Variants in NAALADL2 observed in about 807,000 individuals in gnomAD.
NAALADL2 encodes N-acetylated alpha-linked acidic dipeptidase like 2.
NAALADL2 carries 76 observed loss-of-function variants against 87.2 expected under a neutral mutation model. That is an observed-to-expected ratio of 0.87 (90% CI 0.72 to 1.05). The LOEUF is 1.05. Among genes scored for constraint, NAALADL2 ranks in the 50% least tolerant of loss-of-function variants. The probability of loss-of-function intolerance (pLI) is 0.00; values close to 1 mark genes in which losing one functional copy is unlikely to be tolerated. For missense variants in NAALADL2, 1,089 were observed against 945.8 expected (o/e 1.15, Z -1.99); for synonymous variants, 354 against 331.0 (o/e 1.07, Z -0.75).
chr3:174,769,984 TA>T (rs34826759), intron 3 of NAALADL2, among the ~76,000 whole-genome samples: 43,262 of 151,856 alleles, frequency 0.28, 6,268 homozygotes, highest in Middle Eastern at 0.34. Context: ...ATACAATATA[TA>T]ATATTAGATG....
intron 2 of NAALADL2, among the ~76,000 whole-genome samples, chr3:175,119,726 TAAG>T (rs1270248438): frequency 6.8e-6 from 1 of 147,208 alleles, no homozygotes; most frequent in Non-Finnish European, 1.5e-5. Context: ...TAATGTAAAA[TAAG>T]AATAGATATA....
intron 9 of NAALADL2, among the ~76,000 whole-genome samples, chr3:175,522,010 A>C (rs1015975835): frequency 6.6e-6 from 1 of 152,128 alleles, no homozygotes; most frequent in African/African-American, 2.4e-5. Flanking sequence ...TAAGAAACCA[A>C]GTCATTATTT....
At chr3:175,525,607 G>A (rs147307453) in intron 9 of NAALADL2, among the ~76,000 whole-genome samples, 3 of 151,826 alleles carry the variant, frequency 2.0e-5, no homozygotes, top group African/African-American at 7.2e-5. Flanking sequence ...AGATGCATTT[G>A]AGGAAAACAG....
At position 175,601,128 on chromosome 3, in the gene NAALADL2, C is replaced by T. The variant is rs552933751; in HGVS notation, c.1800+24941C>T. Among the ~76,000 whole-genome samples, 5 of 151,954 alleles carry T rather than the reference C, an allele frequency of 3.3e-5. No homozygotes were observed. In the East Asian group the frequency reaches 5.8e-4, roughly 18 times the overall value. ...TGAAAGATAGCATTTTTATTTATGCCTAAAATGACTTCTAATTATTTAAAT... is the reference window on the plus strand; with the variant it reads ...TGAAAGATAGCATTTTTATTTATGCTTAAAATGACTTCTAATTATTTAAAT... On this transcript the variant is annotated intron_variant, in intron 10 of 13. Transcript: ENST00000454872.
intron 1 of NAALADL2, among the ~76,000 whole-genome samples, chr3:174,945,779 G>A (rs960322051): frequency 1.3e-5 from 2 of 152,158 alleles, no homozygotes; most frequent in African/African-American, 2.4e-5. Flanking sequence ...TGGGCAAGGT[G>A]GCTCACGCCT....
chr3:175,018,493 C>A (rs761122699), intron 1 of NAALADL2, among the ~76,000 whole-genome samples: 2 of 151,982 alleles, frequency 1.3e-5, no homozygotes, highest in Admixed American at 6.6e-5. Flanking sequence ...TGTTTTCAGA[C>A]ATAGTAAATA....
intron 10 of NAALADL2, among the ~76,000 whole-genome samples, chr3:175,595,382 C>T (rs1405063011): frequency 1.3e-5 from 2 of 151,876 alleles, no homozygotes; most frequent in Non-Finnish European, 2.9e-5. Context: ...TAGTACCTTG[C>T]TTTTTTGATT....
In NAALADL2 at chr3:174,960,009, G is replaced by T. The variant is rs559795291; in HGVS notation, c.43+100559G>T. Among the ~76,000 whole-genome samples the T allele has an allele frequency of 2.0e-5, 3 of 152,126 alleles. No homozygotes were observed. The South Asian group carries it at 6.2e-4, about 31-fold the overall frequency. On this transcript the variant is annotated intron_variant, in intron 1 of 13. Coordinates refer to ENST00000454872, the MANE Select transcript of NAALADL2 (RefSeq NM_207015.3). ...CTGGCCAGCTGGCAATAGACTTTAG[G>T]TCTGCAGATATGATGATGGGAGTCT...
chr3:174,471,847 T>G (rs980865819), intron 1 of NAALADL2, among the ~76,000 whole-genome samples: 9 of 152,166 alleles, frequency 5.9e-5, no homozygotes, highest in African/African-American at 1.7e-4. Context: ...TGTCAATAAC[T>G]TTGGGTGTCC....
intron 3 of NAALADL2, among the ~76,000 whole-genome samples, chr3:174,839,415 C>G (rs778101107): frequency 1.3e-5 from 2 of 152,050 alleles, no homozygotes; most frequent in African/African-American, 2.4e-5. Context: ...TGGAAAAACC[C>G]TTCTAGAGAT....
At chr3:175,269,498 T>C (rs1752476456) in intron 4 of NAALADL2, among the ~76,000 whole-genome samples, 1 of 152,222 alleles carries the variant, frequency 6.6e-6, no homozygotes, top group African/African-American at 2.4e-5. Context: ...AGCTCCGTTA[T>C]AATCTTACGT....
intron 5 of NAALADL2, among the ~76,000 whole-genome samples, chr3:175,386,507 T>TC (rs1393845672): frequency 6.6e-6 from 1 of 151,534 alleles, no homozygotes; most frequent in African/African-American, 2.4e-5. Context: ...TTTTTTTTTT[T>TC]CCCCTCTCCC....
chr3:175,711,241 A>G (rs1322137376), intron 11 of NAALADL2, among the ~76,000 whole-genome samples: 1 of 151,892 alleles, frequency 6.6e-6, no homozygotes, highest in African/African-American at 2.4e-5. Context: ...TCTTTGAATA[A>G]TAAGCATCTA....
chr3:174,561,883 A>G (rs1713660179), intron 2 of NAALADL2, among the ~76,000 whole-genome samples: 1 of 152,214 alleles, frequency 6.6e-6, no homozygotes, highest in African/African-American at 2.4e-5. Context: ...AGTTGGACTT[A>G]AAGTATAGCT....
intron 5 of NAALADL2, among the ~76,000 whole-genome samples, chr3:175,443,364 A>G (rs1327276782): frequency 1.3e-5 from 2 of 152,204 alleles, no homozygotes; most frequent in Admixed American, 6.5e-5. Flanking sequence ...CTAGAGAAAA[A>G]TGGAATGCAG....
chr3:175,657,644 G>C (rs375564131), intron 11 of NAALADL2, among the ~76,000 whole-genome samples: 1 of 150,748 alleles, frequency 6.6e-6, no homozygotes, highest in East Asian at 2.0e-4. Flanking sequence ...GCAGTGGCAC[G>C]ATCTGGGCTC....
intron 4 of NAALADL2, among the ~76,000 whole-genome samples, chr3:175,262,237 A>G (rs1751158004): frequency 6.6e-6 from 1 of 152,062 alleles, no homozygotes; most frequent in Non-Finnish European, 1.5e-5. Flanking sequence ...TTACATTTTG[A>G]TAACTTATTT....
chr3:175,423,018 G>GAAA (rs1218647180), intron 5 of NAALADL2, among the ~76,000 whole-genome samples: 2,687 of 61,484 alleles, frequency 0.044, 99 homozygotes, highest in East Asian at 0.12. Context: ...AGGTCCTTAA[G>GAAA]AAAAAAAAAA....
intron 1 of NAALADL2, among the ~76,000 whole-genome samples, chr3:174,991,552 A>G (rs545217916): frequency 6.6e-6 from 1 of 152,158 alleles, no homozygotes; most frequent in Non-Finnish European, 1.5e-5. Context: ...TGTGTCCTGC[A>G]TCTTATTCTG....
Sources: allele counts gnomAD v4.1 joint callset (sites outside exome capture counted in the v4.1 genomes callset), GRCh38; gene constraint gnomAD v4.1.1; transcripts MANE v1.5; gene names NCBI Gene and HGNC (gene_info 2026-07-23, HGNC 2026-07-21).